MARCHF11: variants seen among roughly 807,000 people sequenced by gnomAD.
The protein encoded by MARCHF11 is membrane associated ring-CH-type finger 11.
In MARCHF11, 29 loss-of-function variants were observed where a neutral mutation model predicts 37.3. The observed-to-expected ratio is 0.78, with a 90% confidence interval of 0.58 to 1.06. The LOEUF (loss-of-function observed/expected upper bound fraction) is 1.06, where lower values mean the gene tolerates loss of function less well. Among genes scored for constraint, MARCHF11 ranks in the 50% least tolerant of loss-of-function variants. The probability of loss-of-function intolerance (pLI) is 0.00; values close to 1 mark genes in which losing one functional copy is unlikely to be tolerated. For synonymous variants in MARCHF11, 233 were observed against 228.0 expected, an observed-to-expected ratio of 1.02 and a Z score of -0.20; for missense variants, 482 against 533.4, an observed-to-expected ratio of 0.90 and a Z score of 0.95.
chr5:16,087,812 T>C (rs1314626030), intron 3 of MARCHF11, among the ~76,000 whole-genome samples: 1 of 152,122 alleles, frequency 6.6e-6, no homozygotes, highest in Non-Finnish European at 1.5e-5. Flanking sequence ...AATAAGTAAA[T>C]AAATTTCCCC....
chr5:16,076,727 T>C (rs573920181), intron 3 of MARCHF11, among the ~76,000 whole-genome samples: 8 of 152,188 alleles, frequency 5.3e-5, no homozygotes, highest in South Asian at 4.1e-4. Flanking sequence ...AGAAGTGATG[T>C]AGTGTGGCTT....
At chr5:16,144,608 A>T (rs1231316934) in intron 2 of MARCHF11, among the ~76,000 whole-genome samples, 3 of 152,178 alleles carry the variant, frequency 2.0e-5, no homozygotes, top group African/African-American at 7.2e-5. Flanking sequence ...ATTCTTAATC[A>T]AGGAATGAAA....
At chr5:16,117,453 GAACT>G (rs1293219935) in intron 2 of MARCHF11, among the ~76,000 whole-genome samples, 7 of 152,186 alleles carry the variant, frequency 4.6e-5, no homozygotes, top group Admixed American at 2.6e-4. Context: ...TTGCACTCCT[GAACT>G]AACTTTCATT....
At chr5:16,165,976 A>C (rs1216371866) in intron 2 of MARCHF11, among the ~76,000 whole-genome samples, 1 of 152,030 alleles carries the variant, frequency 6.6e-6, no homozygotes, top group African/African-American at 2.4e-5. Context: ...AATTATTTGG[A>C]ATTCTGTAAG....
At chr5:16,151,629 T>C (rs1473821169) in intron 2 of MARCHF11, among the ~76,000 whole-genome samples, 4 of 142,206 alleles carry the variant, frequency 2.8e-5, no homozygotes, top group African/African-American at 1.1e-4. Context: ...TCTGTGTGTG[T>C]GTGTGCATGC....
At chr5:16,096,201 G>A (rs1467678751) in intron 2 of MARCHF11, among the ~76,000 whole-genome samples, 3 of 152,188 alleles carry the variant, frequency 2.0e-5, no homozygotes, top group Non-Finnish European at 4.4e-5. Flanking sequence ...AGGTGGCTGT[G>A]GCAATGGAAG....
chr5:16,087,128 T>G (rs1435635393), intron 3 of MARCHF11, among the ~76,000 whole-genome samples: 1 of 152,214 alleles, frequency 6.6e-6, no homozygotes, highest in Non-Finnish European at 1.5e-5. Flanking sequence ...GTAGAAGCAC[T>G]CCCCAGATAT....
chr5:16,157,975 C>T (rs1738005039), intron 2 of MARCHF11, among the ~76,000 whole-genome samples: 1 of 151,822 alleles, frequency 6.6e-6, no homozygotes, highest in African/African-American at 2.4e-5. Context: ...GGCATTCAAA[C>T]AACTCAATAC....
intron 2 of MARCHF11, among the ~76,000 whole-genome samples, chr5:16,147,478 G>A (rs969757406): frequency 2.6e-5 from 4 of 152,024 alleles, no homozygotes; most frequent in African/African-American, 9.7e-5. Context: ...CTGATCTGTG[G>A]GCTTATTAAA....
At chr5:16,110,437 G>A (rs1302067640) in intron 2 of MARCHF11, among the ~76,000 whole-genome samples, 3 of 152,236 alleles carry the variant, frequency 2.0e-5, no homozygotes, top group African/African-American at 4.8e-5. Flanking sequence ...TGACTTACAG[G>A]CTGCTACTCA....
intron 2 of MARCHF11, among the ~76,000 whole-genome samples, chr5:16,160,707 A>T (rs2126604167): frequency 6.6e-6 from 1 of 152,124 alleles, no homozygotes; most frequent in South Asian, 2.1e-4. Context: ...TGATTAAATC[A>T]AAATCTCATC....
chr5:16,083,107 T>C (rs1338733332), intron 3 of MARCHF11, among the ~76,000 whole-genome samples: 1 of 152,236 alleles, frequency 6.6e-6, no homozygotes, highest in African/African-American at 2.4e-5. Context: ...TGAAAATTGA[T>C]GACACTTTTG....
At chr5:16,120,891 C>G (rs994931631) in intron 2 of MARCHF11, among the ~76,000 whole-genome samples, 1 of 152,138 alleles carries the variant, frequency 6.6e-6, no homozygotes, top group African/African-American at 2.4e-5. Flanking sequence ...TATGCACGAG[C>G]CCAGTCAAGA....
At chr5:16,172,337 G>A (rs1044411750) in intron 2 of MARCHF11, among the ~76,000 whole-genome samples, 2 of 152,046 alleles carry the variant, frequency 1.3e-5, no homozygotes, top group Non-Finnish European at 2.9e-5. Context: ...GTGATGTGCC[G>A]CTCATTTTGA....
chr5:16,093,197 C>T (rs1321672607), intron 2 of MARCHF11, among the ~76,000 whole-genome samples: 1 of 151,936 alleles, frequency 6.6e-6, no homozygotes, highest in Non-Finnish European at 1.5e-5. Context: ...ATGTGTATGC[C>T]GGAACTGGAG....
At chr5:16,172,585 A>G (rs1247731742) in intron 2 of MARCHF11, among the ~76,000 whole-genome samples, 1 of 152,204 alleles carries the variant, frequency 6.6e-6, no homozygotes, top group Non-Finnish European at 1.5e-5. Context: ...AAATGTCTTG[A>G]ATGATTTCAA....
chr5:16,146,944 A>T (rs1737807337), intron 2 of MARCHF11, among the ~76,000 whole-genome samples: 1 of 152,166 alleles, frequency 6.6e-6, no homozygotes, highest in Non-Finnish European at 1.5e-5. Context: ...TAAAAATCTT[A>T]AAGAGACTGA....
intron 2 of MARCHF11, among the ~76,000 whole-genome samples, chr5:16,103,111 G>GA (rs746011063): frequency 0.31 from 41,284 of 134,580 alleles, 6,722 homozygotes; most frequent in East Asian, 0.57. Context: ...TGCCCAGGCA[G>GA]AAAAAAAAAA....
rs577883719 is a variant in MARCHF11 at position 16,109,233 on chromosome 5, C to T, written c.694-18152G>A. Among the ~76,000 whole-genome samples the T allele has an allele frequency of 2.1e-3, 318 of 152,112 alleles. 2 individuals carry two copies. The highest frequency in any genetic ancestry group is 0.021 in the South Asian group (99 of 4,796). On this transcript the variant is annotated intron_variant, in intron 2 of 3. Transcript: ENST00000332432. The stretch of plus-strand genomic sequence containing the variant: ...TGTCTTCTGTACACTAATAAGATGA[C>T]TGGTGGCTCCTGGATGGACTCAGGA...
Sources: gnomAD v4.1 joint callset for allele counts (sites outside exome capture counted in the v4.1 genomes callset) on GRCh38, gnomAD v4.1.1 for gene constraint, MANE v1.5 for transcripts, NCBI Gene and HGNC (gene_info 2026-07-23, HGNC 2026-07-21) for gene names.